TFEC: variants seen among roughly 807,000 people sequenced by gnomAD.
The protein encoded by TFEC is class E basic helix-loop-helix protein 34.
Under a neutral mutation model 41.6 loss-of-function variants are expected in TFEC, and 31 were observed. The observed-to-expected ratio is 0.74, with a 90% CI of 0.56 to 1.01. The LOEUF (loss-of-function observed/expected upper bound fraction) is 1.01, where lower values mean the gene tolerates loss of function less well. Ranked by LOEUF, TFEC falls within the 50% of genes least tolerant of loss-of-function variation. The pLI is 0.00. For synonymous variants in TFEC, 143 were observed against 140.6 expected, an observed-to-expected ratio of 1.02 and a Z score of -0.12; for missense variants, 402 against 404.1, an observed-to-expected ratio of 0.99 and a Z score of 0.04.
At chr7:116,097,596 G>A (rs1338955993) in intron 3 of TFEC, among the ~76,000 whole-genome samples, 2 of 152,120 alleles carry the variant, frequency 1.3e-5, no homozygotes, top group African/African-American at 4.8e-5. Flanking sequence ...AGGACAAAGG[G>A]ATGATTCATA....
intron 6 of TFEC, among the ~76,000 whole-genome samples, chr7:115,947,990 A>C (rs1489480175): frequency 6.6e-6 from 1 of 152,166 alleles, no homozygotes; most frequent in South Asian, 2.1e-4. Context: ...AATCAAATAG[A>C]TGCAATAAGA....
chr7:115,938,124 C>T lies in TFEC; in HGVS notation c.*2427G>A, dbSNP rs1040481500. 12 of 151,924 alleles carry T rather than the reference C, an allele frequency of 7.9e-5. No homozygotes were observed. Among genetic ancestry groups the T allele is most frequent in the African/African-American group, 2.7e-4 (11 of 41,492 alleles). 9.4% of individuals were successfully genotyped at this position (151,924 alleles called of 1,614,324 possible). On this transcript the variant is annotated 3_prime_UTR_variant, in exon 8 of 8. Transcript: ENST00000265440. ...AGGCTCTATCATCCTGTGCCAAGTC[C>T]TTATCTCAGCCAAGATTGTGAAGGA...
intron 3 of TFEC, among the ~76,000 whole-genome samples, chr7:116,063,191 T>C (rs987619944): frequency 3.6e-4 from 55 of 152,180 alleles, no homozygotes; most frequent in African/African-American, 1.1e-3. Context: ...ATATGTACTA[T>C]ATATTCTATT....
chr7:116,142,604 T>A (rs910617962), intron 1 of TFEC, among the ~76,000 whole-genome samples: 3 of 152,156 alleles, frequency 2.0e-5, no homozygotes, highest in Non-Finnish European at 4.4e-5. Context: ...ACAGGTTAAC[T>A]TGTTGAGGGC....
At chr7:116,021,259 A>G (rs987661676) in intron 1 of TFEC, among the ~76,000 whole-genome samples, 5 of 152,214 alleles carry the variant, frequency 3.3e-5, no homozygotes, top group African/African-American at 1.2e-4. Flanking sequence ...AAGCACTACC[A>G]TTAAAGGCAA....
Position 116,010,472 on chromosome 7 carries a change from A to G in TFEC, c.-73+20161T>C, listed in dbSNP as rs180695260. Among the ~76,000 whole-genome samples, 15 of 152,332 alleles carry G rather than the reference A, an allele frequency of 9.8e-5. No homozygotes were observed. In the East Asian group the frequency reaches 2.9e-3, roughly 29 times the overall value. On this transcript the variant is annotated intron_variant, in intron 1 of 7. Coordinates refer to ENST00000265440, the MANE Select transcript of TFEC (RefSeq NM_012252.4). ...TTTACTGAGAAGACTGGTGTTCAAG[A>G]AAGAATAGAGAATCATGAATTTGGT...
At chr7:116,043,074 T>G (rs950658725) in intron 3 of TFEC, among the ~76,000 whole-genome samples, 1 of 152,178 alleles carries the variant, frequency 6.6e-6, no homozygotes, top group Non-Finnish European at 1.5e-5. Context: ...AGAGAGGTAC[T>G]ATAACATCAG....
At chr7:115,978,353 G>T (rs28706711) in intron 2 of TFEC, among the ~76,000 whole-genome samples, 19,159 of 152,096 alleles carry the variant, frequency 0.13, 1,308 homozygotes, top group Middle Eastern at 0.18. Flanking sequence ...TCAGAATTCT[G>T]TGGAAAAGTA....
At chr7:115,951,182 C>T (rs1012052268) in intron 5 of TFEC, among the ~76,000 whole-genome samples, 2 of 151,994 alleles carry the variant, frequency 1.3e-5, no homozygotes, top group African/African-American at 4.8e-5. Context: ...TGTCACAAAA[C>T]ATTTTTAAAA....
intron 3 of TFEC, among the ~76,000 whole-genome samples, chr7:116,037,759 T>C (rs1407583185): frequency 6.6e-6 from 1 of 152,034 alleles, no homozygotes; most frequent in African/African-American, 2.4e-5. Flanking sequence ...ACCAAGATTT[T>C]TACTATTTCA....
chr7:116,125,954 C>T (rs574133292), intron 1 of TFEC, among the ~76,000 whole-genome samples: 1 of 152,222 alleles, frequency 6.6e-6, no homozygotes, highest in East Asian at 1.9e-4. Flanking sequence ...TTGTACAGGA[C>T]AGCAAGGAGA....
At chr7:116,029,369 G>T (rs954732766) in intron 1 of TFEC, among the ~76,000 whole-genome samples, 2 of 152,100 alleles carry the variant, frequency 1.3e-5, no homozygotes, top group Non-Finnish European at 2.9e-5. Context: ...CAAGTGCACT[G>T]CTACACTCAG....
At position 115,974,220 on chromosome 7, in the gene TFEC, A is replaced by G; in HGVS notation, c.217T>C (p.Ser73Pro). ...TCTGCTCCTTCCTCTTTAAAACTTG[A>G]TTCCATACCGATTATATCCTCAATA... ...DVIEDIIGME[S>P]SFKEEGADSP... The change falls in exon 3 of 8, where the codon TCA becomes CCA. Residue 73 changes from serine (S) to proline (P), a missense_variant. Physicochemically the swap from Ser to Pro is moderately conservative, Grantham distance 74 (BLOSUM62 -1). Coordinates refer to ENST00000265440, the MANE Select transcript of TFEC (RefSeq NM_012252.4). 1 of 1,595,418 alleles carries G rather than the reference A, an allele frequency of 6.3e-7. No individual in the cohort carries two copies.
chr7:115,946,422 TG>T (rs1791560105), intron 6 of TFEC, among the ~76,000 whole-genome samples: 3 of 150,588 alleles, frequency 2.0e-5, no homozygotes, highest in South Asian at 2.2e-4. Flanking sequence ...TGTGTGTGTG[TG>T]TGTGTGTGTG....
chr7:116,036,986 GCAGAAA>G (rs1795926524), intron 3 of TFEC, among the ~76,000 whole-genome samples: 1 of 152,014 alleles, frequency 6.6e-6, no homozygotes, highest in Admixed American at 6.6e-5. Flanking sequence ...AGCAAATAAT[GCAGAAA>G]CAAATGTTAT....
At chr7:115,979,273 T>G (rs1450314468) in intron 2 of TFEC, among the ~76,000 whole-genome samples, 1 of 152,172 alleles carries the variant, frequency 6.6e-6, no homozygotes, top group East Asian at 1.9e-4. Context: ...AGCCTCTCTG[T>G]AATTTGCTGA....
At chr7:116,066,072 C>T (rs1015797699) in intron 3 of TFEC, among the ~76,000 whole-genome samples, 1 of 152,178 alleles carries the variant, frequency 6.6e-6, no homozygotes, top group South Asian at 2.1e-4. Context: ...CTAGCAAAGC[C>T]CATTACAGAC....
chr7:116,113,206 A>C (rs1797896383), intron 1 of TFEC, among the ~76,000 whole-genome samples: 1 of 151,996 alleles, frequency 6.6e-6, no homozygotes, highest in Admixed American at 6.6e-5. Flanking sequence ...TGTAAATATG[A>C]ACTTATTTGG....
intron 3 of TFEC, among the ~76,000 whole-genome samples, chr7:116,063,935 T>C (rs1796632259): frequency 6.6e-6 from 1 of 152,192 alleles, no homozygotes. Flanking sequence ...GACTTAATGA[T>C]TTCATTTCCT....
Sources: gnomAD v4.1 joint callset for allele counts (sites outside exome capture counted in the v4.1 genomes callset) on GRCh38, gnomAD v4.1.1 for gene constraint, MANE v1.5 for transcripts, NCBI Gene and HGNC (gene_info 2026-07-23, HGNC 2026-07-21) for gene names.